SLC26A11: variants seen among roughly 807,000 people sequenced by gnomAD.
SLC26A11 encodes sodium-independent sulfate anion transporter.
SLC26A11 carries 58 observed loss-of-function variants against 62.2 expected under a neutral mutation model. The observed-to-expected ratio is 0.93, with a 90% CI of 0.76 to 1.16. The LOEUF (loss-of-function observed/expected upper bound fraction) is 1.16, where lower values mean the gene tolerates loss of function less well. Ranked by LOEUF, SLC26A11 falls within the 50% of genes most tolerant of loss-of-function variation. SLC26A11 has a pLI of 0.00. For synonymous variants in SLC26A11, 411 were observed against 368.9 expected (o/e 1.11, Z -1.31); for missense variants, 790 against 794.3 (o/e 0.99, Z 0.06).
Position 80,221,631 on chromosome 17 carries a change from G to C in SLC26A11, c.71G>C (p.Cys24Ser), listed in dbSNP as rs1278806007. 6.2e-7 allele frequency: 1 copy of C among 1,611,160 alleles called. No homozygotes were observed. The highest frequency in any genetic ancestry group is 8.5e-7 in the Non-Finnish European group (1 of 1,179,844). The change falls in exon 3 of 18, where the codon TGC becomes TCC. Residue 24 changes from cysteine to serine, a missense_variant. Physicochemically the swap from Cys to Ser is moderately radical, Grantham distance 112. Transcript: ENST00000361193. ...CCCGGGATGGCCCCGAGCGCCTGCT[G>C]CTGCTCCCCTGCGGCCCTGCAGAGG... is the stretch of plus-strand genomic sequence containing the variant. ...SGPGMAPSACCCSPAALQRRL... is the reference protein window; with the variant it reads ...SGPGMAPSACSCSPAALQRRL...
chr17:80,221,432 C>T (rs936342919), intron 2 of SLC26A11, 116 bp from the exon 3 acceptor site: 1 of 717,348 alleles, frequency 1.4e-6, no homozygotes, highest in East Asian at 2.8e-5. Flanking sequence ...GTTCGCCCCC[C>T]TGGGGAGGGG....
Position 80,246,055 on chromosome 17 carries a change from G to C in SLC26A11, c.1098-99G>C, listed in dbSNP as rs953896920. 6 of 1,420,314 alleles carry C rather than the reference G, an allele frequency of 4.2e-6. No individual in the cohort carries two copies. The African/African-American group carries it at 8.4e-5, about 20-fold the overall frequency. The allele number at this position is 1,420,314 out of a possible 1,614,324, so 88.0% of individuals were successfully genotyped here. The stretch of plus-strand genomic sequence containing the variant: ...CCCGCCTGCTTCCCAAGCCGTGCTG[G>C]GAGCTGACGTCCCCTCGGAAGATCA... On this transcript the variant is annotated intron_variant, in intron 11 of 17. Coordinates refer to ENST00000361193, the MANE Select transcript of SLC26A11 (RefSeq NM_001166347.2). This position sits in a 1 kb window ranked among gnomAD's most constrained non-coding sequence, Gnocchi z 4.4.
At chr17:80,241,904 T>C in intron 10 of SLC26A11, 83 bp downstream of exon 10, 1 of 1,427,314 alleles carries the variant, frequency 7.0e-7, no homozygotes, top group Non-Finnish European at 9.9e-7. Context: ...TCCTGCATTG[T>C]AGGAAGACCA....
rs2043021860 is a variant in SLC26A11 at position 80,247,082 on chromosome 17, T to G, written c.1294+433T>G. Among the ~76,000 whole-genome samples, 11 of 150,732 alleles carry G rather than the reference T, an allele frequency of 7.3e-5. 1 individual carries two copies. The South Asian group carries it at 2.3e-3, about 32-fold the overall frequency. ...TTTTTTTTTTTTATTATTATTTTTATTTTTTTTTATTGATCATTCTTGGGT... is the reference window on the plus strand; with the variant it reads ...TTTTTTTTTTTTATTATTATTTTTAGTTTTTTTTATTGATCATTCTTGGGT... On this transcript the variant is annotated intron_variant, in intron 13 of 17. Transcript: ENST00000361193.
At chr17:80,238,811 G>GTTTTTTTTTTTTTTTTTTTT (rs1276063968) in intron 9 of SLC26A11, among the ~76,000 whole-genome samples, 2 of 123,226 alleles carry the variant, frequency 1.6e-5, no homozygotes, top group African/African-American at 3.4e-5. Context: ...CTTCAAAGGA[G>GTTTTTTTTTTTTTTTTTTTT]TTTTTTTTGT....
In SLC26A11 at chr17:80,223,363, C is replaced by T; in HGVS notation, c.513+26C>T. On this transcript the variant is annotated intron_variant, in intron 5 of 17. Coordinates refer to ENST00000361193, the MANE Select transcript of SLC26A11 (RefSeq NM_001166347.2). This position sits in a 1 kb window ranked among gnomAD's most constrained non-coding sequence, Gnocchi z 4.6. ...GTAGGCACGGCGCCCACCCAGGGCA[C>T]TGCTCTTTGGCCACTGCTCGTTGGC... 6.2e-7 allele frequency: 1 copy of T among 1,610,802 alleles called. No homozygotes were observed. The highest frequency in any genetic ancestry group is 8.5e-7 in the Non-Finnish European group (1 of 1,177,674).
intron 16 of SLC26A11, 42 bp from the exon 17 acceptor site, chr17:80,251,287 G>A (rs779570561): frequency 6.2e-7 from 1 of 1,613,786 alleles, no homozygotes; most frequent in East Asian, 2.2e-5. Flanking sequence ...GTGTGCTACA[G>A]AGGAACATCC....
At position 80,237,116 on chromosome 17, in the gene SLC26A11, G is replaced by A. The variant is rs750777152; in HGVS notation, c.912+13G>A. ...CGAGATGGTGCAGGTGGGCGGAGCC[G>A]GGAGGCAGGATGGCGTGGCTGAGGC... On this transcript the variant is annotated intron_variant, in intron 8 of 17. Transcript: ENST00000361193. 13 of 1,603,180 alleles carry A rather than the reference G, an allele frequency of 8.1e-6. No homozygotes were observed. Among genetic ancestry groups the A allele is most frequent in the Admixed American group, 6.7e-5 (4 of 59,716 alleles).
intron 7 of SLC26A11, among the ~76,000 whole-genome samples, chr17:80,230,347 C>T (rs1032703265): frequency 2.6e-5 from 4 of 152,046 alleles, no homozygotes; most frequent in African/African-American, 7.2e-5. Flanking sequence ...GTTTATTATA[C>T]TCACAGGTCC....
At position 80,229,617 on chromosome 17, in the gene SLC26A11, A is replaced by T. The variant is rs546467464; in HGVS notation, c.736+1657A>T. 2.5e-3 allele frequency among the ~76,000 whole-genome samples: 375 copies of T among 151,854 alleles called. 3 individuals carry two copies. The highest frequency in any genetic ancestry group is 8.4e-3 in the African/African-American group (350 of 41,434). On this transcript the variant is annotated intron_variant, in intron 7 of 17. Transcript: ENST00000361193. ...GCTAATTTTTGTATTTTGAGTAGAG[A>T]TGGGGTTTCACCATGTTGGCCAGGC... is the stretch of plus-strand genomic sequence containing the variant.
intron 10 of SLC26A11, among the ~76,000 whole-genome samples, chr17:80,243,790 T>C (rs80252679): frequency 0.011 from 1,672 of 152,316 alleles, 25 homozygotes; most frequent in African/African-American, 0.037. Flanking sequence ...TCAAGGTTAC[T>C]ATGGCAGCCA....
chr17:80,246,751 T>A lies in SLC26A11; in HGVS notation c.1294+102T>A. On this transcript the variant is annotated intron_variant, in intron 13 of 17. Transcript: ENST00000361193. The surrounding 1 kb of genome is among the most constrained non-coding windows in gnomAD (Gnocchi z 4.4). Reference sequence around the variant, plus strand: ...TTTCCTGCAGCCCCCTCTGTGGGGCTGGGACTGGGAAGTTAGGGCAGTCCC... The same window carrying A: ...TTTCCTGCAGCCCCCTCTGTGGGGCAGGGACTGGGAAGTTAGGGCAGTCCC... The A allele has an allele frequency of 6.8e-7, 1 of 1,464,900 alleles. No individual in the cohort carries two copies. The highest frequency in any genetic ancestry group is 9.2e-7 in the Non-Finnish European group (1 of 1,091,032). 90.7% of individuals were successfully genotyped at this position (1,464,900 alleles called of 1,614,324 possible).
intron 9 of SLC26A11, among the ~76,000 whole-genome samples, chr17:80,238,800 C>G (rs968139204): frequency 2.0e-5 from 3 of 150,494 alleles, no homozygotes; most frequent in Non-Finnish European, 4.4e-5. Context: ...ACCCTTACCC[C>G]CTTCAAAGGA....
At chr17:80,240,531 A>G (rs1189338364) in intron 9 of SLC26A11, among the ~76,000 whole-genome samples, 1 of 151,366 alleles carries the variant, frequency 6.6e-6, no homozygotes, top group Non-Finnish European at 1.5e-5. Flanking sequence ...GGCCGGGTGC[A>G]GTGGCTCACG....
intron 9 of SLC26A11, 151 bp downstream of exon 9, chr17:80,237,745 G>T (rs375955041): frequency 6.9e-6 from 5 of 726,910 alleles, no homozygotes; most frequent in Non-Finnish European, 1.1e-5. Context: ...CATATGTATT[G>T]TGTATATATG....
intron 17 of SLC26A11, 116 bp downstream of exon 17, chr17:80,251,517 C>G (rs1434118955): frequency 7.4e-7 from 1 of 1,352,878 alleles, no homozygotes; most frequent in Non-Finnish European, 1.0e-6. Context: ...AATCCCAGCA[C>G]TTTGGGAGGC....
intron 11 of SLC26A11, among the ~76,000 whole-genome samples, chr17:80,245,533 C>G: frequency 6.6e-6 from 1 of 152,098 alleles, no homozygotes; most frequent in Non-Finnish European, 1.5e-5. Context: ...AGGAGAATCG[C>G]TTGAGCCCAG....
At chr17:80,239,662 C>T (rs1266442385) in intron 9 of SLC26A11, among the ~76,000 whole-genome samples, 1 of 152,160 alleles carries the variant, frequency 6.6e-6, no homozygotes, top group African/African-American at 2.4e-5. Flanking sequence ...CAGGCGTGAG[C>T]CACTGTGCCC....
At position 80,237,522 on chromosome 17, in the gene SLC26A11, GA is replaced by G; in HGVS notation, c.914del (p.Asp305AlafsTer11). 1 of 1,609,872 alleles carries G rather than the reference GA, an allele frequency of 6.2e-7. No individual in the cohort carries two copies. Among genetic ancestry groups the G allele is most frequent in the Non-Finnish European group, 8.5e-7 (1 of 1,178,364 alleles). On this transcript the variant is annotated frameshift_variant and splice_region_variant, in exon 9 of 18. Transcript: ENST00000361193. LOFTEE classifies it high-confidence loss of function. ...TCACCATCCCTCTCTCCTCTCTCAG[GA>G]CATGGGAGCCGGGCTGGCCGTGGTG... ...GTISFTEMVQ[D>X]MGAGLAVVPL... is the part of the protein sequence containing the mutation.
Sources: gnomAD v4.1 joint callset for allele counts (sites outside exome capture counted in the v4.1 genomes callset) on GRCh38, gnomAD v4.1.1 for gene constraint, Gnocchi (gnomAD v3.1) non-coding constraint, MANE v1.5 for transcripts, NCBI Gene and HGNC (gene_info 2026-07-23, HGNC 2026-07-21) for gene names.